Variants in MARCHF1 observed in about 807,000 individuals in gnomAD.
MARCHF1 encodes the protein E3 ubiquitin-protein ligase MARCHF1.
In MARCHF1, 40 loss-of-function variants were observed where a neutral mutation model predicts 54.2. That is an observed-to-expected ratio of 0.74 (90% CI 0.57 to 0.96). The LOEUF (loss-of-function observed/expected upper bound fraction) is 0.96. Ranked by LOEUF, MARCHF1 falls within the 40% of genes least tolerant of loss-of-function variation. MARCHF1 has a pLI of 0.00. For missense variants in MARCHF1, 586 were observed against 656.5 expected, an observed-to-expected ratio of 0.89 and a Z score of 1.17; for synonymous variants, 236 against 236.3, an observed-to-expected ratio of 1.00 and a Z score of 0.01.
intron 1 of MARCHF1, among the ~76,000 whole-genome samples, chr4:164,317,247 T>C (rs1371048478): frequency 6.6e-6 from 1 of 152,246 alleles, no homozygotes; most frequent in African/African-American, 2.4e-5. Context: ...AAAACTCTTC[T>C]ACTTAGAGTA....
At chr4:164,342,680 G>A (rs569862635) in intron 1 of MARCHF1, among the ~76,000 whole-genome samples, 142 of 151,962 alleles carry the variant, frequency 9.3e-4, no homozygotes, top group African/African-American at 3.2e-3. Context: ...TCATTGCAGC[G>A]TTATTCCTAA....
intron 3 of MARCHF1, among the ~76,000 whole-genome samples, chr4:163,862,449 G>A (rs1415552655): frequency 2.0e-5 from 3 of 151,926 alleles, no homozygotes; most frequent in East Asian, 1.9e-4. Flanking sequence ...CCAAGAATAC[G>A]AAAAGATGCT....
chr4:164,275,955 T>C (rs111515738), intron 1 of MARCHF1, among the ~76,000 whole-genome samples: 38 of 152,336 alleles, frequency 2.5e-4, no homozygotes, highest in Non-Finnish European at 4.1e-4. Context: ...TTTGTCATTC[T>C]TTTGTTTATA....
intron 1 of MARCHF1, among the ~76,000 whole-genome samples, chr4:164,371,425 T>C (rs1458299193): frequency 6.6e-6 from 1 of 152,130 alleles, no homozygotes; most frequent in Admixed American, 6.5e-5. Context: ...TCAAAATCTC[T>C]ATACAAAAAG....
At chr4:164,090,344 T>TACTC (rs10679692) in intron 2 of MARCHF1, among the ~76,000 whole-genome samples, 127,174 of 151,592 alleles carry the variant, frequency 0.84, 53,855 homozygotes, top group Non-Finnish European at 0.89. Flanking sequence ...CTTACCCAAT[T>TACTC]AGTCATTCTA....
At chr4:164,161,652 C>T (rs1730243259) in intron 1 of MARCHF1, among the ~76,000 whole-genome samples, 2 of 152,152 alleles carry the variant, frequency 1.3e-5, no homozygotes, top group South Asian at 4.2e-4. Flanking sequence ...ATTGTTAAAC[C>T]TCATAAACTT....
intron 1 of MARCHF1, among the ~76,000 whole-genome samples, chr4:164,266,465 T>C (rs1486997601): frequency 6.6e-6 from 1 of 152,202 alleles, no homozygotes; most frequent in African/African-American, 2.4e-5. Flanking sequence ...TAGACTCAAA[T>C]GTGCTTATTC....
intron 1 of MARCHF1, among the ~76,000 whole-genome samples, chr4:164,252,917 A>G (rs1733168826): frequency 6.6e-6 from 1 of 152,170 alleles, no homozygotes; most frequent in African/African-American, 2.4e-5. Context: ...AATGTCAGTG[A>G]TAATGTAAAT....
At chr4:163,819,148 A>G (rs1372808510) in intron 4 of MARCHF1, among the ~76,000 whole-genome samples, 1 of 152,090 alleles carries the variant, frequency 6.6e-6, no homozygotes. Context: ...ACACTTCCAA[A>G]TCCACCTCTA....
chr4:164,016,164 TAA>T (rs1437476198), intron 2 of MARCHF1, among the ~76,000 whole-genome samples: 1 of 152,022 alleles, frequency 6.6e-6, no homozygotes, highest in Non-Finnish European at 1.5e-5. Flanking sequence ...ATTTATAAAG[TAA>T]AGAGGTTTAA....
At position 163,893,760 on chromosome 4, in the gene MARCHF1, T is replaced by C. The variant is rs55883530; in HGVS notation, c.-38-39591A>G. 4.6e-3 allele frequency among the ~76,000 whole-genome samples: 703 copies of C among 152,284 alleles called. 4 individuals are homozygous for C. The highest frequency in any genetic ancestry group is 0.016 in the African/African-American group (676 of 41,548). ...AATGCATAAATTAATAATAATGATT[T>C]TTTAAAGTAAAGATGAAGAGACATT... is the stretch of plus-strand genomic sequence containing the variant. On this transcript the variant is annotated intron_variant, in intron 3 of 9. Transcript: ENST00000514618.
chr4:164,309,254 C>CTCTG (rs1554000347), intron 1 of MARCHF1, among the ~76,000 whole-genome samples: 4 of 147,848 alleles, frequency 2.7e-5, no homozygotes, highest in Non-Finnish European at 6.0e-5. Flanking sequence ...AATTTCTAAC[C>CTCTG]TGTGTGTGTG....
At chr4:164,105,387 A>G (rs1755668700) in intron 2 of MARCHF1, among the ~76,000 whole-genome samples, 1 of 151,194 alleles carries the variant, frequency 6.6e-6, no homozygotes, top group Non-Finnish European at 1.5e-5. Context: ...TGCAGTAACA[A>G]AACAGCATGG....
chr4:164,309,283 T>TGTGC lies in MARCHF1; in HGVS notation c.-323+74586_-323+74587insGCAC, dbSNP rs1300594499. Among the ~76,000 whole-genome samples, 357 of 149,192 alleles carry TGTGC rather than the reference T, an allele frequency of 2.4e-3. 3 individuals carry two copies. Among genetic ancestry groups the TGTGC allele is most frequent in the South Asian group, 7.1e-3 (33 of 4,660 alleles). On this transcript the variant is annotated intron_variant, in intron 1 of 9. Coordinates refer to ENST00000514618, the MANE Select transcript of MARCHF1 (RefSeq NM_001394959.1). ...GTGTGTGTGTGTGTGTGTGTGTGTG[T>TGTGC]GCGCGTGTGTGTCTGTGTGTTATTG...
intron 4 of MARCHF1, among the ~76,000 whole-genome samples, chr4:163,743,955 A>G (rs1326629349): frequency 6.6e-6 from 1 of 152,240 alleles, no homozygotes; most frequent in Non-Finnish European, 1.5e-5. Context: ...CTACAGCTCC[A>G]GCACTGGTTA....
At chr4:164,280,050 T>C (rs17044855) in intron 1 of MARCHF1, among the ~76,000 whole-genome samples, 17,925 of 151,874 alleles carry the variant, frequency 0.12, 1,642 homozygotes, top group African/African-American at 0.26. Flanking sequence ...TTTTTCAATA[T>C]GTGGCAAGAG....
At position 163,891,541 on chromosome 4, in the gene MARCHF1, C is replaced by T. The variant is rs566904949; in HGVS notation, c.-38-37372G>A. 1.1e-3 allele frequency among the ~76,000 whole-genome samples: 166 copies of T among 151,810 alleles called. No homozygotes were observed. In the South Asian group the frequency reaches 0.016, roughly 15 times the overall value. ...AAATTTATGAACTCTCTCAACTCAC[C>T]GAAATGAAACAACCACCAAAAAAAG... On this transcript the variant is annotated intron_variant, in intron 3 of 9. Coordinates refer to ENST00000514618, the MANE Select transcript of MARCHF1 (RefSeq NM_001394959.1).
chr4:163,699,150 A>C (rs1470953150), intron 5 of MARCHF1, among the ~76,000 whole-genome samples: 1 of 152,196 alleles, frequency 6.6e-6, no homozygotes, highest in Non-Finnish European at 1.5e-5. Flanking sequence ...AATATCTCTG[A>C]AGGGACATAG....
intron 4 of MARCHF1, among the ~76,000 whole-genome samples, chr4:163,836,208 A>C (rs1034830527): frequency 1.4e-5 from 2 of 146,236 alleles, no homozygotes; most frequent in African/African-American, 5.1e-5. Context: ...CCTACATGGT[A>C]GTTGCAATTT....
Sources: allele counts gnomAD v4.1 joint callset (sites outside exome capture counted in the v4.1 genomes callset), GRCh38; gene constraint gnomAD v4.1.1; transcripts MANE v1.5; gene names NCBI Gene and HGNC (gene_info 2026-07-23, HGNC 2026-07-21).